CLUAP1: variants seen among roughly 807,000 people sequenced by gnomAD.
The protein encoded by CLUAP1 is intraflagellar transport 38.
In CLUAP1, 50 loss-of-function variants were observed where a neutral mutation model predicts 55.0. The observed-to-expected ratio is 0.91, with a 90% CI of 0.72 to 1.15. CLUAP1 has a LOEUF of 1.15. CLUAP1 is among the 50% of genes most tolerant of loss of function. The pLI is 0.00. For synonymous variants in CLUAP1, 195 were observed against 175.4 expected (o/e 1.11, Z -0.88); for missense variants, 530 against 507.6 (o/e 1.04, Z -0.42).
intron 5 of CLUAP1, among the ~76,000 whole-genome samples, chr16:3,514,935 G>T (rs1307443232): frequency 6.6e-6 from 1 of 152,228 alleles, no homozygotes; most frequent in Non-Finnish European, 1.5e-5. Context: ...TCCCTTGATA[G>T]GTTAATGGTT....
In CLUAP1 at chr16:3,538,534, C is replaced by A. The variant is rs181953331; in HGVS notation, c.*2263C>A. The A allele has an allele frequency of 1.4e-3, 208 of 152,264 alleles. 2 individuals carry two copies. Among genetic ancestry groups the A allele is most frequent in the African/African-American group, 4.9e-3 (202 of 41,546 alleles). 9.4% of individuals were successfully genotyped at this position (152,264 alleles called of 1,614,324 possible). On this transcript the variant is annotated 3_prime_UTR_variant, in exon 12 of 12. Coordinates refer to ENST00000576634, the MANE Select transcript of CLUAP1 (RefSeq NM_015041.3). The stretch of plus-strand genomic sequence containing the variant: ...TTGACTTCTGTTTTGAAAAAACATA[C>A]GAATAGAGTTCTATTTTCCTTATGT...
chr16:3,499,245 T>G (rs1258884690), upstream of CLUAP1, among the ~76,000 whole-genome samples: 1 of 152,234 alleles, frequency 6.6e-6, no homozygotes, highest in Non-Finnish European at 1.5e-5. Flanking sequence ...CTCCGGAGGC[T>G]GAGGCAGGAA....
intron 6 of CLUAP1, among the ~76,000 whole-genome samples, chr16:3,519,126 A>C (rs1291737639): frequency 6.6e-6 from 1 of 152,198 alleles, no homozygotes; most frequent in Non-Finnish European, 1.5e-5. Flanking sequence ...AAGACGGCGC[A>C]CTACCAGTGA....
chr16:3,522,061 C>T lies in CLUAP1; in HGVS notation c.714-1097C>T, dbSNP rs1008711060. 4.0e-5 allele frequency among the ~76,000 whole-genome samples: 6 copies of T among 151,648 alleles called. No homozygotes were observed. The South Asian group carries it at 1.0e-3, about 26-fold the overall frequency. On this transcript the variant is annotated intron_variant, in intron 7 of 11. Transcript: ENST00000576634. ...GTGACAAAGTGAGACCCTGTCTCAA[C>T]AAACAAAAAAAAACCACCAGCCTTA... is the stretch of plus-strand genomic sequence containing the variant.
intron 11 of CLUAP1, chr16:3,533,291 A>T: frequency 1.4e-6 from 1 of 708,306 alleles, no homozygotes; most frequent in East Asian, 2.7e-5. Context: ...CTGTGGTGAC[A>T]GCGGGATCAC....
chr16:3,520,151 T>C, intron 7 of CLUAP1, 115 bp downstream of exon 7: 2 of 1,081,818 alleles, frequency 1.8e-6, no homozygotes, highest in Non-Finnish European at 2.6e-6. Context: ...GGCGGGGGGT[T>C]CTCTTGAGCC....
intron 1 of CLUAP1, 55 bp from the exon 2 acceptor site, chr16:3,504,665 A>C (rs1467223092): frequency 9.4e-6 from 9 of 958,342 alleles, no homozygotes; most frequent in Non-Finnish European, 1.5e-5. Flanking sequence ...ATCTAAGTTA[A>C]TAAGTAGTTG....
chr16:3,512,989 C>A (rs1158388965), intron 5 of CLUAP1, among the ~76,000 whole-genome samples: 1 of 152,146 alleles, frequency 6.6e-6, no homozygotes, highest in East Asian at 1.9e-4. Context: ...ACTGGTCTAC[C>A]TTTAACTTCT....
chr16:3,513,858 A>T (rs2037681311), intron 5 of CLUAP1, among the ~76,000 whole-genome samples: 1 of 152,176 alleles, frequency 6.6e-6, no homozygotes, highest in South Asian at 2.1e-4. Context: ...TTCACTTCCT[A>T]GCAAGAGTGC....
intron 4 of CLUAP1, 128 bp from the exon 5 acceptor site, chr16:3,512,255 G>T: frequency 1.6e-6 from 1 of 644,742 alleles, no homozygotes. Context: ...CAACACTTTG[G>T]GAGGCTGAGG....
chr16:3,523,324 A>G lies in CLUAP1; in HGVS notation c.855+25A>G, dbSNP rs777180027. ...GGTGAGCTGAGCCTGTCCTCTGTTC[A>G]GCCATTCCTTCTGGTGTGTTATTTT... On this transcript the variant is annotated intron_variant, in intron 8 of 11. Transcript: ENST00000576634. The G allele has an allele frequency of 1.9e-6, 3 of 1,592,282 alleles. No individual in the cohort carries two copies. In the African/African-American group the frequency reaches 4.1e-5, roughly 22 times the overall value.
At chr16:3,520,762 C>G (rs911292730) in intron 7 of CLUAP1, among the ~76,000 whole-genome samples, 13 of 152,154 alleles carry the variant, frequency 8.5e-5, no homozygotes, top group Admixed American at 2.0e-4. Flanking sequence ...GATCATTCCT[C>G]ACCAGTCAGT....
chr16:3,520,044 T>C lies in CLUAP1; in HGVS notation c.713+8T>C. 1 of 1,601,422 alleles carries C rather than the reference T, an allele frequency of 6.2e-7. No individual in the cohort carries two copies. Among genetic ancestry groups the C allele is most frequent in the Non-Finnish European group, 8.5e-7 (1 of 1,176,434 alleles). ...GACTCTGCAGAGTGTCAGGTAGATA[T>C]GAACACTTGGAGAATGAGTAGAAAG... On this transcript the variant is annotated splice_region_variant and intron_variant, in intron 7 of 11. Coordinates refer to ENST00000576634, the MANE Select transcript of CLUAP1 (RefSeq NM_015041.3).
upstream of CLUAP1, among the ~76,000 whole-genome samples, chr16:3,498,071 G>A (rs1567416540): frequency 6.6e-6 from 1 of 152,080 alleles, no homozygotes; most frequent in Non-Finnish European, 1.5e-5. Context: ...TTAAGTCTGG[G>A]TTCAAAAGCA....
At position 3,538,807 on chromosome 16, in the gene CLUAP1, AC is replaced by A. The variant is rs2038287245; in HGVS notation, c.*2539del. The A allele has an allele frequency of 6.6e-6, 1 of 152,150 alleles. No homozygotes were observed. The highest frequency in any genetic ancestry group is 2.1e-4 in the South Asian group (1 of 4,826). 9.4% of individuals were successfully genotyped at this position (152,150 alleles called of 1,614,324 possible). A position where few individuals can be genotyped will look rare whatever the true frequency, so the allele number is the denominator to read the frequency against. On this transcript the variant is annotated 3_prime_UTR_variant, in exon 12 of 12. Coordinates refer to ENST00000576634, the MANE Select transcript of CLUAP1 (RefSeq NM_015041.3). The stretch of plus-strand genomic sequence containing the variant: ...TATTAAAGTATTTCAGTCAATAGTG[AC>A]CCATTGTAGAATGGATGCAGGATTC...
chr16:3,529,582 ATATTATATATTATTATATATTATATAT>A (rs2038036103), intron 9 of CLUAP1, among the ~76,000 whole-genome samples: 1 of 40,168 alleles, frequency 2.5e-5, no homozygotes, highest in Non-Finnish European at 3.8e-5. Flanking sequence ...ATATTATATA[ATATTATATATTATTATATATTATATAT>A]TATATAATAT....
chr16:3,508,137 A>G, intron 3 of CLUAP1, 152 bp from the exon 4 acceptor site: 1 of 627,970 alleles, frequency 1.6e-6, no homozygotes. Context: ...TTATACAACC[A>G]CTCACAATGT....
intron 4 of CLUAP1, among the ~76,000 whole-genome samples, chr16:3,509,218 C>A (rs1453820474): frequency 6.6e-6 from 1 of 152,184 alleles, no homozygotes; most frequent in Non-Finnish European, 1.5e-5. Flanking sequence ...CACTGCGCTC[C>A]CGCCTAGGCA....
At chr16:3,522,041 A>G (rs1382437364) in intron 7 of CLUAP1, among the ~76,000 whole-genome samples, 1 of 152,154 alleles carries the variant, frequency 6.6e-6, no homozygotes, top group Non-Finnish European at 1.5e-5. Context: ...CCTGGGTGAC[A>G]AAGTGAGACC....
Sources: allele counts gnomAD v4.1 joint callset (sites outside exome capture counted in the v4.1 genomes callset), GRCh38; gene constraint gnomAD v4.1.1; transcripts MANE v1.5; gene names NCBI Gene and HGNC (gene_info 2026-07-23, HGNC 2026-07-21).